Variants in RDH10 observed in about 807,000 individuals in gnomAD.
RDH10 encodes retinol dehydrogenase 10 (all-trans).
Under a neutral mutation model 30.2 loss-of-function variants are expected in RDH10, and 12 were observed. That is an observed-to-expected ratio of 0.40 (90% CI 0.25 to 0.64). The LOEUF (loss-of-function observed/expected upper bound fraction) is 0.64, where lower values mean the gene tolerates loss of function less well. RDH10 is among the 30% of genes least tolerant of loss of function. The pLI is 0.43. For missense variants in RDH10, 268 were observed against 445.2 expected, an observed-to-expected ratio of 0.60 and a Z score of 3.58; for synonymous variants, 189 against 172.2, an observed-to-expected ratio of 1.10 and a Z score of -0.76.
At chr8:73,296,003 C>A (rs1814258730) in intron 1 of RDH10, 2 of 198,556 alleles carry the variant, frequency 1.0e-5, no homozygotes, top group Non-Finnish European at 1.9e-5. Context: ...TGGTCTGAAC[C>A]CCTTAGACGA....
chr8:73,320,457 G>T (rs568191038), intron 3 of RDH10, among the ~76,000 whole-genome samples: 13 of 126,000 alleles, frequency 1.0e-4, no homozygotes, highest in African/African-American at 1.4e-4. Flanking sequence ...TTTTGTTTTT[G>T]TTTTTGTTTT....
At chr8:73,317,193 A>G (rs1814685682) in intron 2 of RDH10, among the ~76,000 whole-genome samples, 1 of 152,240 alleles carries the variant, frequency 6.6e-6, no homozygotes, top group South Asian at 2.1e-4. Flanking sequence ...GGTACTGACT[A>G]TAGGTCTTAG....
Position 73,295,418 on chromosome 8 carries a change from C to G in RDH10, c.129C>G (p.Gly43=). 6.5e-7 allele frequency: 1 copy of G among 1,547,990 alleles called. No homozygotes were observed. ...CGGGCCAGGTGTGCCTCATCACCGG[C>G]GCCGGCAGCGGCCTGGGCCGCCTCT... ...SVAGQVCLIT[G]AGSGLGRLFA... Residue 43 remains glycine, a synonymous_variant, in exon 1 of 6, where the codon GGC becomes GGG. Transcript: ENST00000240285.
rs1177835452 is a variant in RDH10 at position 73,297,443 on chromosome 8, T to C, written c.525+14T>C. 6.4e-7 allele frequency: 1 copy of C among 1,564,824 alleles called. No homozygotes were observed. On this transcript the variant is annotated intron_variant, in intron 2 of 5. Transcript: ENST00000240285. ...GCACACTTCTGGGTAAATATAAACATCCTTGTTTTCTTTGCTGGGCCCTCC... is the reference window on the plus strand; with the variant it reads ...GCACACTTCTGGGTAAATATAAACACCCTTGTTTTCTTTGCTGGGCCCTCC...
intron 3 of RDH10, 26 bp downstream of exon 3, chr8:73,319,220 T>C (rs767305804): frequency 2.7e-6 from 4 of 1,489,544 alleles, no homozygotes; most frequent in Non-Finnish European, 3.7e-6. Context: ...AGCATTTCTT[T>C]CGTTCAATCT....
intron 4 of RDH10, chr8:73,321,803 T>G (rs1181771040): frequency 2.2e-6 from 1 of 456,234 alleles, no homozygotes; most frequent in South Asian, 1.5e-5. Flanking sequence ...TCCCTGTTGG[T>G]TGGGGGCCAT....
intron 2 of RDH10, among the ~76,000 whole-genome samples, chr8:73,301,664 G>C (rs1189583842): frequency 6.6e-6 from 1 of 152,122 alleles, no homozygotes; most frequent in African/African-American, 2.4e-5. Context: ...GCTGAGGCAG[G>C]AGAATTGTTT....
At chr8:73,305,904 A>G (rs1814457001) in intron 2 of RDH10, among the ~76,000 whole-genome samples, 1 of 152,228 alleles carries the variant, frequency 6.6e-6, no homozygotes, top group South Asian at 2.1e-4. Context: ...AACTCCAGAG[A>G]TCAGATTAAA....
chr8:73,301,039 ATTCTTT>A (rs1446320630), intron 2 of RDH10, among the ~76,000 whole-genome samples: 1 of 98,800 alleles, frequency 1.0e-5, no homozygotes, highest in African/African-American at 4.0e-5. Context: ...ACAAAACTCT[ATTCTTT>A]TTTTTTTTTT....
At position 73,324,347 on chromosome 8, in the gene RDH10, A is replaced by G. The variant is rs1814828844; in HGVS notation, c.*1311A>G. On this transcript the variant is annotated 3_prime_UTR_variant, in exon 6 of 6. Coordinates refer to ENST00000240285, the MANE Select transcript of RDH10 (RefSeq NM_172037.5). ...CTATTTTGTGCCTTGAATTTGGTAT[A>G]TGTGTATTAGTGAAACATTGTAAAG... 6.5e-6 allele frequency: 1 copy of G among 152,764 alleles called. No individual in the cohort carries two copies. Among genetic ancestry groups the G allele is most frequent in the East Asian group, 1.9e-4 (1 of 5,186 alleles). 9.5% of individuals were successfully genotyped at this position (152,764 alleles called of 1,614,324 possible).
At chr8:73,319,010 A>G (rs1212145113) in intron 2 of RDH10, 86 bp from the exon 3 acceptor site, 1 of 790,750 alleles carries the variant, frequency 1.3e-6, no homozygotes, top group Non-Finnish European at 2.1e-6. Context: ...CATCATGTGA[A>G]TAAAAGTTTG....
chr8:73,320,445 T>TTTTTTGTTTTTG (rs1212769266), intron 3 of RDH10, among the ~76,000 whole-genome samples: 1 of 146,354 alleles, frequency 6.8e-6, no homozygotes, highest in Non-Finnish European at 1.5e-5. Flanking sequence ...TTTGTGTTTT[T>TTTTTTGTTTTTG]TTTTTGTTTT....
At chr8:73,302,259 G>A (rs898562918) in intron 2 of RDH10, among the ~76,000 whole-genome samples, 1 of 152,200 alleles carries the variant, frequency 6.6e-6, no homozygotes, top group Non-Finnish European at 1.5e-5. Flanking sequence ...GTAGGTTCTA[G>A]TCAGCATAAT....
intron 2 of RDH10, among the ~76,000 whole-genome samples, chr8:73,302,371 T>G (rs1191343563): frequency 1.3e-5 from 2 of 152,218 alleles, no homozygotes; most frequent in Admixed American, 6.5e-5. Flanking sequence ...TGTATCTGGG[T>G]GAGATGTAAA....
chr8:73,319,439 C>T (rs144046899), intron 3 of RDH10, among the ~76,000 whole-genome samples: 7 of 152,260 alleles, frequency 4.6e-5, no homozygotes, highest in African/African-American at 1.7e-4. Flanking sequence ...GTGGGAGAAT[C>T]GTGCGAGCCC....
At chr8:73,319,668 A>G (rs1209289167) in intron 3 of RDH10, among the ~76,000 whole-genome samples, 3 of 152,256 alleles carry the variant, frequency 2.0e-5, no homozygotes, top group African/African-American at 7.2e-5. Flanking sequence ...TCACTTGACG[A>G]TGGCAGGAGG....
Position 73,294,634 on chromosome 8 carries a change from G to T in RDH10, c.-656G>T, listed in dbSNP as rs1814215587. ...GCCCGGAGCGCTCTGACTTGCAAGCGGGCTGCGCTGCGGAGCCCAGTGCCC... is the reference window on the plus strand; with the variant it reads ...GCCCGGAGCGCTCTGACTTGCAAGCTGGCTGCGCTGCGGAGCCCAGTGCCC... On this transcript the variant is annotated 5_prime_UTR_variant, in exon 1 of 6. Coordinates refer to ENST00000240285, the MANE Select transcript of RDH10 (RefSeq NM_172037.5). 1.2e-5 allele frequency: 4 copies of T among 325,324 alleles called. No homozygotes were observed. Among genetic ancestry groups the T allele is most frequent in the African/African-American group, 4.3e-5 (2 of 46,180 alleles). The allele number at this position is 325,324 out of a possible 1,614,324, so 20.2% of individuals were successfully genotyped here.
At chr8:73,314,734 GGT>G (rs1814630330) in intron 2 of RDH10, among the ~76,000 whole-genome samples, 1 of 152,176 alleles carries the variant, frequency 6.6e-6, no homozygotes, top group African/African-American at 2.4e-5. Context: ...GCAGCTCTTT[GGT>G]GGTTGTTGAC....
At chr8:73,312,696 C>G (rs1444964201) in intron 2 of RDH10, 1 of 152,132 alleles carries the variant, frequency 6.6e-6, no homozygotes, top group Non-Finnish European at 1.5e-5. Flanking sequence ...TGATGGTGTT[C>G]TTTTTTATTC....
Sources: gnomAD v4.1 joint callset for allele counts (sites outside exome capture counted in the v4.1 genomes callset) on GRCh38, gnomAD v4.1.1 for gene constraint, MANE v1.5 for transcripts, NCBI Gene and HGNC (gene_info 2026-07-23, HGNC 2026-07-21) for gene names.